Variants in SLK observed in about 807,000 individuals in gnomAD.
The protein encoded by SLK is STE20 like kinase.
In SLK, 67 loss-of-function variants were observed where a neutral mutation model predicts 147.7. The ratio of observed to expected loss-of-function variants is 0.45; its 90% CI spans 0.37 to 0.56. SLK has a LOEUF of 0.56. Among genes scored for constraint, SLK ranks in the 20% least tolerant of loss-of-function variants. SLK has a pLI of 0.00. For missense variants in SLK, 1,136 were observed against 1,438.8 expected (o/e 0.79, Z 3.41); for synonymous variants, 441 against 475.0 (o/e 0.93, Z 0.93).
At position 104,025,633 on chromosome 10, in the gene SLK, T is replaced by TG. The variant is rs752254967; in HGVS notation, c.3625dup (p.Glu1209GlyfsTer3). On this transcript the variant is annotated frameshift_variant, in exon 19 of 19. Coordinates refer to ENST00000369755, the MANE Select transcript of SLK (RefSeq NM_014720.4). LOFTEE classifies it high-confidence loss of function. The stretch of plus-strand genomic sequence containing the variant: ...AACAGGAAGTATTCTTTAAAATGAC[T>TG]GGGGAGTCTGAATGCCTTAACCCAT... 11 of 1,613,538 alleles carry TG rather than the reference T, an allele frequency of 6.8e-6. No homozygotes were observed. Among genetic ancestry groups the TG allele is most frequent in the Non-Finnish European group, 9.3e-6 (11 of 1,179,544 alleles).
chr10:103,992,918 A>G, intron 3 of SLK, 66 bp from the exon 4 acceptor site: 1 of 1,172,092 alleles, frequency 8.5e-7, no homozygotes, highest in Non-Finnish European at 1.3e-6. Flanking sequence ...ACAGAAAGGT[A>G]TATAGCCTGC....
intron 18 of SLK, among the ~76,000 whole-genome samples, chr10:104,024,291 C>T (rs137902091): frequency 4.7e-4 from 71 of 152,318 alleles, no homozygotes; most frequent in African/African-American, 1.5e-3. Flanking sequence ...TCTTCCCACT[C>T]GCCTGCCATC....
At chr10:103,976,462 T>G (rs1238614948) in intron 1 of SLK, among the ~76,000 whole-genome samples, 4 of 152,216 alleles carry the variant, frequency 2.6e-5, no homozygotes, top group Admixed American at 1.3e-4. Flanking sequence ...TTAGCCATTC[T>G]GTTGAGTATA....
At position 104,018,888 on chromosome 10, in the gene SLK, C is replaced by T; in HGVS notation, c.3112C>T (p.Leu1038=). ...TCAGTATTTCATGCAAAGACATCAG[C>T]TACTTAAGCGCCACGAGAAGGTTAA... ...KDQYFMQRHQ[L]LKRHEKETEQ... The change falls in exon 15 of 19, where the codon CTA becomes TTA. Residue 1038 remains leucine (L), a synonymous_variant. Coordinates refer to ENST00000369755, the MANE Select transcript of SLK (RefSeq NM_014720.4). 1 of 1,599,438 alleles carries T rather than the reference C, an allele frequency of 6.3e-7. No homozygotes were observed. The highest frequency in any genetic ancestry group is 8.5e-7 in the Non-Finnish European group (1 of 1,175,334).
At chr10:104,007,036 A>G (rs1844335726) in intron 11 of SLK, among the ~76,000 whole-genome samples, 1 of 152,172 alleles carries the variant, frequency 6.6e-6, no homozygotes, top group Non-Finnish European at 1.5e-5. Flanking sequence ...GAGTAGATTT[A>G]TAATTCCAAA....
At chr10:103,969,689 T>C (rs1843767705) in intron 1 of SLK, among the ~76,000 whole-genome samples, 2 of 152,224 alleles carry the variant, frequency 1.3e-5, no homozygotes, top group Non-Finnish European at 2.9e-5. Context: ...AAGGCTTCAT[T>C]GTAGTGGGAA....
At chr10:103,983,770 C>T (rs1221040441) in intron 1 of SLK, among the ~76,000 whole-genome samples, 1 of 151,970 alleles carries the variant, frequency 6.6e-6, no homozygotes, top group East Asian at 1.9e-4. Flanking sequence ...TCATCATAAC[C>T]CTTCATAACA....
At position 103,993,003 on chromosome 10, in the gene SLK, T is replaced by A. The variant is rs1844121387; in HGVS notation, c.384T>A (p.Thr128=). 6.2e-7 allele frequency: 1 copy of A among 1,610,996 alleles called. No individual in the cohort carries two copies. Among genetic ancestry groups the A allele is most frequent in the African/African-American group, 1.3e-5 (1 of 74,806 alleles). The part of the protein sequence containing the change: ...AVMLELERPL[T]ESQIQVVCKQ... ...TTATAGAACTTGAGAGACCATTAAC[T>A]GAGTCCCAAATACAAGTAGTTTGCA... Residue 128 remains threonine (T), a synonymous_variant, in exon 4 of 19, where the codon ACT becomes ACA. Coordinates refer to ENST00000369755, the MANE Select transcript of SLK (RefSeq NM_014720.4).
rs1346374328 is a variant in SLK at position 103,993,098 on chromosome 10, A to C, written c.479A>C (p.Asn160Thr). The C allele has an allele frequency of 6.2e-7, 1 of 1,610,762 alleles. No homozygotes were observed. The highest frequency in any genetic ancestry group is 8.5e-7 in the Non-Finnish European group (1 of 1,178,166). The change falls in exon 4 of 19, where the codon AAC (asparagine) becomes ACC (threonine). Residue 160 changes from asparagine (N) to threonine (T), a missense_variant. Asn to Thr is a moderately conservative substitution (Grantham distance 65, BLOSUM62 0). This residue lies in a region of SLK where 141 missense variants were observed against 219.3 expected (regional missense o/e 0.64). Coordinates refer to ENST00000369755, the MANE Select transcript of SLK (RefSeq NM_014720.4). Reference sequence around the variant, plus strand: ...ATCCACAGAGATCTGAAGGCTGGCAACATTCTCTTTACCTTAGATGGAGAT... The same window carrying C: ...ATCCACAGAGATCTGAAGGCTGGCACCATTCTCTTTACCTTAGATGGAGAT... Reference protein sequence around the residue: ...KIIHRDLKAGNILFTLDGDIK... With the variant: ...KIIHRDLKAGTILFTLDGDIK...
Position 104,018,211 on chromosome 10 carries a change from A to C in SLK, c.2929A>C (p.Lys977Gln). The C allele has an allele frequency of 6.2e-7, 1 of 1,606,672 alleles. No homozygotes were observed. Among genetic ancestry groups the C allele is most frequent in the Non-Finnish European group, 8.5e-7 (1 of 1,178,124 alleles). Residue 977 changes from lysine to glutamine, a missense_variant, in exon 14 of 19, where the codon AAG becomes CAG. By Grantham distance (53) the Lys-to-Gln change is moderately conservative. Transcript: ENST00000369755. The part of the protein sequence containing the change: ...QQQELDGSLK[K>Q]IIQQQKAELA... ...GCAAGAATTAGATGGCTCTCTGAAA[A>C]AGATCATCCAGCAGCAGAAGGCAGA...
Position 104,002,815 on chromosome 10 carries a change from G to A in SLK, c.1637G>A (p.Ser546Asn), listed in dbSNP as rs143783348. The A allele has an allele frequency of 6.2e-7, 1 of 1,614,010 alleles. No homozygotes were observed. The highest frequency in any genetic ancestry group is 1.3e-5 in the African/African-American group (1 of 74,926). The change falls in exon 9 of 19, where the codon AGT (serine) becomes AAT (asparagine). Residue 546 changes from serine (S) to asparagine (N), a missense_variant. Transcript: ENST00000369755. ...CAAAAAGATGTGATCAGCAATACAA[G>A]TGATGTGATAGGAACATGTGAGGCA... is the stretch of plus-strand genomic sequence containing the variant. ...KTQKDVISNT[S>N]DVIGTCEAAD...
chr10:103,972,830 G>T (rs545033236), intron 1 of SLK, among the ~76,000 whole-genome samples: 33 of 152,110 alleles, frequency 2.2e-4, no homozygotes, highest in Non-Finnish European at 4.6e-4. Context: ...TATGTTTTTG[G>T]TAATTTGAAT....
chr10:104,005,870 A>G (rs1234384524), intron 10 of SLK, 42 bp from the exon 11 acceptor site: 1 of 1,568,548 alleles, frequency 6.4e-7, no homozygotes, highest in Non-Finnish European at 8.6e-7. Flanking sequence ...CAGAAGTGTA[A>G]TTTTTGCTGT....
chr10:103,998,808 TA>T, intron 4 of SLK, 90 bp from the exon 5 acceptor site: 1 of 795,090 alleles, frequency 1.3e-6, no homozygotes, highest in Non-Finnish European at 2.1e-6. Context: ...AGATTAGCCT[TA>T]TTAAAGACTT....
intron 5 of SLK, 23 bp from the exon 6 acceptor site, chr10:103,999,096 C>A: frequency 6.3e-7 from 1 of 1,589,814 alleles, no homozygotes; most frequent in Non-Finnish European, 8.6e-7. Context: ...AACATGTTAA[C>A]TTTTAATTAT....
At chr10:104,018,978 CTT>C (rs1767423611) in intron 15 of SLK, 70 bp downstream of exon 15, 6 of 1,390,910 alleles carry the variant, frequency 4.3e-6, no homozygotes, top group Non-Finnish European at 4.8e-6. Context: ...AGTTTTGAAA[CTT>C]AAGTTTCTTA....
rs1368373563 is a variant in SLK, at chr10:103,967,804, A to T, written c.59A>T (p.Gln20Leu). The change falls in exon 1 of 19, where the codon CAG becomes CTG. Residue 20 changes from glutamine (Q) to leucine (L), a missense_variant. Coordinates refer to ENST00000369755, the MANE Select transcript of SLK (RefSeq NM_014720.4). ...TTGGGGAGCGAGAAGAAGAAGAAGC[A>T]GTACGAACACGTGAAGAGGGACCTG... ...FKLGSEKKKK[Q>L]YEHVKRDLNP... 6.2e-7 allele frequency: 1 copy of T among 1,614,058 alleles called. No homozygotes were observed. The highest frequency in any genetic ancestry group is 8.5e-7 in the Non-Finnish European group (1 of 1,179,974).
chr10:103,995,349 A>T (rs1048199264), intron 4 of SLK, among the ~76,000 whole-genome samples: 35 of 150,006 alleles, frequency 2.3e-4, no homozygotes, highest in African/African-American at 8.6e-4. Context: ...CAGTTCTGAG[A>T]TGTTTCAGGC....
In SLK at chr10:104,027,695, G is replaced by C. The variant is rs1405678315; in HGVS notation, c.*1975G>C. On this transcript the variant is annotated 3_prime_UTR_variant, in exon 19 of 19. Coordinates refer to ENST00000369755, the MANE Select transcript of SLK (RefSeq NM_014720.4). ...TGACTTTTAAAAAATGAATACCTCA[G>C]GCAGTAGACATTTTTTTTCTAGTAT... 2 of 152,276 alleles carry C rather than the reference G, an allele frequency of 1.3e-5. No homozygotes were observed. Among genetic ancestry groups the C allele is most frequent in the East Asian group, 3.9e-4 (2 of 5,186 alleles). 9.4% of individuals were successfully genotyped at this position (152,276 alleles called of 1,614,324 possible).
Sources: gnomAD v4.1 joint callset for allele counts (sites outside exome capture counted in the v4.1 genomes callset) on GRCh38, gnomAD v4.1.1 for gene constraint, gnomAD v4.1.1 regional missense constraint, MANE v1.5 for transcripts, NCBI Gene and HGNC (gene_info 2026-07-23, HGNC 2026-07-21) for gene names.